Variants in LAIR1 observed in about 807,000 individuals in gnomAD.
LAIR1 encodes leukocyte associated immunoglobulin like receptor 1, also known as leukocyte-associated immunoglobulin-like receptor 1.
Under a neutral mutation model 32.8 loss-of-function variants are expected in LAIR1, and 24 were observed. The observed-to-expected ratio is 0.73, with a 90% confidence interval of 0.53 to 1.03. LAIR1 has a LOEUF of 1.03. Among genes scored for constraint, LAIR1 ranks in the 50% least tolerant of loss-of-function variants. The pLI is 0.00. For synonymous variants in LAIR1, 150 were observed against 140.5 expected (o/e 1.07, Z -0.48); for missense variants, 355 against 347.5 (o/e 1.02, Z -0.17).
At chr19:54,357,073 A>G in intron 4 of LAIR1, 107 bp from the exon 5 acceptor site, 3 of 1,033,334 alleles carry the variant, frequency 2.9e-6, no homozygotes, top group Non-Finnish European at 4.4e-6. Flanking sequence ...ACTCCCCAGG[A>G]CCCTGACTGC....
intron 2 of LAIR1, among the ~76,000 whole-genome samples, chr19:54,363,799 G>C (rs1168194855): frequency 1.3e-5 from 2 of 152,136 alleles, no homozygotes; most frequent in African/African-American, 4.8e-5. Context: ...CTGCAGGTGC[G>C]GGGCATGGGA....
chr19:54,361,953 G>A (rs1201404441), intron 2 of LAIR1, among the ~76,000 whole-genome samples: 5 of 151,910 alleles, frequency 3.3e-5, no homozygotes, highest in African/African-American at 1.2e-4. Context: ...AAACAGGAAG[G>A]TTGTGTCAAA....
chr19:54,372,636 A>G (rs2082435818), upstream of LAIR1, among the ~76,000 whole-genome samples: 1 of 150,384 alleles, frequency 6.6e-6, no homozygotes, highest in Non-Finnish European at 1.5e-5. Flanking sequence ...GATTACAGGC[A>G]TGCACCACCA....
In LAIR1 at chr19:54,355,239, T is replaced by G; in HGVS notation, c.*29A>C. The G allele has an allele frequency of 6.5e-7, 1 of 1,543,656 alleles. No individual in the cohort carries two copies. Among genetic ancestry groups the G allele is most frequent in the Non-Finnish European group, 8.8e-7 (1 of 1,142,188 alleles). On this transcript the variant is annotated 3_prime_UTR_variant, in exon 10 of 10. Transcript: ENST00000391742. The surrounding 1 kb of genome is among the most constrained non-coding windows in gnomAD (Gnocchi z 4.7). Reference sequence around the variant, plus strand: ...CTTTTCCTAGAGTGACTTTCTACCCTCAGGTGCAGAGGCCAGGTGGGTATG... The same window carrying G: ...CTTTTCCTAGAGTGACTTTCTACCCGCAGGTGCAGAGGCCAGGTGGGTATG...
chr19:54,364,833 C>G lies in LAIR1; in HGVS notation c.-29G>C. 1.2e-6 allele frequency: 2 copies of G among 1,614,070 alleles called. No homozygotes were observed. The highest frequency in any genetic ancestry group is 1.7e-6 in the Non-Finnish European group (2 of 1,179,954). The stretch of plus-strand genomic sequence containing the variant: ...CCAGGTCCCAGCAGTGCAGCCTGGC[C>G]TGAGGCGCACCAATGCAAGGACAGA... On this transcript the variant is annotated 5_prime_UTR_variant, in exon 1 of 10. Coordinates refer to ENST00000391742, the MANE Select transcript of LAIR1 (RefSeq NM_002287.6). This position sits in a 1 kb window ranked among gnomAD's most constrained non-coding sequence, Gnocchi z 4.8.
intron 8 of LAIR1, 76 bp downstream of exon 8, chr19:54,356,154 C>T (rs1209559886): frequency 3.5e-6 from 5 of 1,409,338 alleles, no homozygotes; most frequent in East Asian, 2.3e-5. Context: ...TTCCCCCCAC[C>T]CCCCACATTG....
upstream of LAIR1, among the ~76,000 whole-genome samples, chr19:54,367,943 T>G (rs959240730): frequency 1.3e-5 from 2 of 150,286 alleles, no homozygotes; most frequent in Non-Finnish European, 3.0e-5. Context: ...CGGCTAATTT[T>G]TTGTATTTTT....
rs147416041 is a variant in LAIR1, at chr19:54,356,161, A to G, written c.664+69T>C. 31 of 935,938 alleles carry G rather than the reference A, an allele frequency of 3.3e-5. No individual in the cohort carries two copies. In the East Asian group the frequency reaches 1.2e-3, roughly 36 times the overall value. The allele number at this position is 935,938 out of a possible 1,614,324, so 58.0% of individuals were successfully genotyped here. On this transcript the variant is annotated intron_variant, in intron 8 of 9. Transcript: ENST00000391742. ...AAAGATTCTTCCCCCCACCCCCCACATTGCATCTGGATTGGCACCAAGTCC... is the reference window on the plus strand; with the variant it reads ...AAAGATTCTTCCCCCCACCCCCCACGTTGCATCTGGATTGGCACCAAGTCC...
intron 4 of LAIR1, chr19:54,357,463 C>G (rs118020878): frequency 0.99 from 152,350 of 153,422 alleles, 75,657 homozygotes; most frequent in Middle Eastern, 1. Context: ...ATCTGCCCTC[C>G]CGGCAACCCT....
At chr19:54,372,679 G>A (rs112970607), upstream of LAIR1, among the ~76,000 whole-genome samples, 3,181 of 150,130 alleles carry the variant, frequency 0.021, 74 homozygotes, top group Middle Eastern at 0.054. Context: ...TAGTACAGAC[G>A]GGGTTTCACC....
rs1034838795 is a variant in LAIR1, at chr19:54,364,183, G to T, written c.70+112C>A. 6 of 1,237,684 alleles carry T rather than the reference G, an allele frequency of 4.8e-6. No homozygotes were observed. The African/African-American group carries it at 7.5e-5, about 15-fold the overall frequency. The allele number at this position is 1,237,684 out of a possible 1,614,324, so 76.7% of individuals were successfully genotyped here. ...CATTTGGAAGAGTTTGCAATCTAGG[G>T]TATATTTAAAGGGATCTCTCCAGGC... On this transcript the variant is annotated intron_variant, in intron 2 of 9. Transcript: ENST00000391742. This position sits in a 1 kb window ranked among gnomAD's most constrained non-coding sequence, Gnocchi z 4.8.
In LAIR1 at chr19:54,355,059, C is replaced by G. The variant is rs2081633133; in HGVS notation, c.*209G>C. ...ACTGAGAAACAGTCTGTCCAAGGAGCTGCTCGATTGTAGAAGGGACCACCT... is the reference window on the plus strand; with the variant it reads ...ACTGAGAAACAGTCTGTCCAAGGAGGTGCTCGATTGTAGAAGGGACCACCT... On this transcript the variant is annotated 3_prime_UTR_variant, in exon 10 of 10. Transcript: ENST00000391742. The surrounding 1 kb of genome is among the most constrained non-coding windows in gnomAD (Gnocchi z 4.7). 1.8e-5 allele frequency: 9 copies of G among 509,404 alleles called. No individual in the cohort carries two copies. The highest frequency in any genetic ancestry group is 3.7e-5 in the Admixed American group (1 of 27,214). 31.6% of individuals were successfully genotyped at this position (509,404 alleles called of 1,614,324 possible). A position where few individuals can be genotyped will look rare whatever the true frequency, so the allele number is the denominator to read the frequency against.
intron 3 of LAIR1, among the ~76,000 whole-genome samples, chr19:54,360,384 C>T (rs1021318732): frequency 2.2e-5 from 3 of 139,514 alleles, no homozygotes; most frequent in Non-Finnish European, 4.7e-5. Context: ...CAGGACATCT[C>T]GGGCTGAGCA....
upstream of LAIR1, among the ~76,000 whole-genome samples, chr19:54,365,617 C>G (rs1225264452): frequency 1.3e-5 from 2 of 152,026 alleles, no homozygotes; most frequent in East Asian, 1.9e-4. Context: ...ATAGTGAAAC[C>G]CTGTCTCTAC....
upstream of LAIR1, among the ~76,000 whole-genome samples, chr19:54,373,399 G>C (rs929197685): frequency 1.3e-5 from 2 of 152,114 alleles, no homozygotes; most frequent in Non-Finnish European, 2.9e-5. Context: ...AGCCGAGATC[G>C]CGCCACTGCA....
intron 2 of LAIR1, among the ~76,000 whole-genome samples, chr19:54,362,034 C>A (rs940412185): frequency 3.3e-5 from 5 of 151,214 alleles, no homozygotes; most frequent in Non-Finnish European, 5.9e-5. Flanking sequence ...TTCATTCATT[C>A]CTTATTATTG....
Position 54,355,434 on chromosome 19 carries a change from G to T in LAIR1, c.718-20C>A, listed in dbSNP as rs1189182956. The T allele has an allele frequency of 1.9e-6, 3 of 1,576,042 alleles. No individual in the cohort carries two copies. Among genetic ancestry groups the T allele is most frequent in the Non-Finnish European group, 2.6e-6 (3 of 1,161,732 alleles). On this transcript the variant is annotated intron_variant, in intron 9 of 9. Coordinates refer to ENST00000391742, the MANE Select transcript of LAIR1 (RefSeq NM_002287.6). This position sits in a 1 kb window ranked among gnomAD's most constrained non-coding sequence, Gnocchi z 4.7. ...CAGGGCCTAAGAGGGAGAGACCCAG[G>T]GTGAGGGAGTGCCTGGTGGAGGGTG...
At chr19:54,359,398 G>A (rs2081896101) in intron 4 of LAIR1, among the ~76,000 whole-genome samples, 2 of 151,848 alleles carry the variant, frequency 1.3e-5, no homozygotes, top group African/African-American at 2.4e-5. Context: ...AAGCCTCATG[G>A]CTTCATCCTG....
At chr19:54,375,227 A>G (rs1440591133), upstream of LAIR1, among the ~76,000 whole-genome samples, 2 of 152,106 alleles carry the variant, frequency 1.3e-5, no homozygotes, top group Admixed American at 1.3e-4. Flanking sequence ...GGGCCCAGGG[A>G]GAGAGCTGTC....
Sources: gnomAD v4.1 joint callset for allele counts (sites outside exome capture counted in the v4.1 genomes callset) on GRCh38, gnomAD v4.1.1 for gene constraint, Gnocchi (gnomAD v3.1) non-coding constraint, MANE v1.5 for transcripts, NCBI Gene and HGNC (gene_info 2026-07-23, HGNC 2026-07-21) for gene names.